SHISA9: variants seen among roughly 807,000 people sequenced by gnomAD.
SHISA9 encodes the protein shisa family member 9, also known as protein shisa-9.
In SHISA9, 13 loss-of-function variants were observed where a neutral mutation model predicts 38.0. The ratio of observed to expected loss-of-function variants is 0.34; its 90% confidence interval spans 0.22 to 0.54. The LOEUF (loss-of-function observed/expected upper bound fraction) is 0.54, where lower values mean the gene tolerates loss of function less well. Ranked by LOEUF, SHISA9 falls within the 20% of genes least tolerant of loss-of-function variation. SHISA9 has a pLI of 0.91. For missense variants in SHISA9, 538 were observed against 575.8 expected (o/e 0.93, Z 0.67); for synonymous variants, 275 against 242.0 (o/e 1.14, Z -1.27).
At chr16:13,200,122 G>A (rs949389148) in intron 2 of SHISA9, among the ~76,000 whole-genome samples, 21 of 152,228 alleles carry the variant, frequency 1.4e-4, no homozygotes, top group African/African-American at 5.1e-4. Flanking sequence ...TCCAGAGTGG[G>A]ATTAAACTCC....
chr16:13,069,273 CGTGT>C (rs1211544857), intron 2 of SHISA9, among the ~76,000 whole-genome samples: 4 of 149,424 alleles, frequency 2.7e-5, no homozygotes, highest in Admixed American at 2.0e-4. Flanking sequence ...GCAATGTGTG[CGTGT>C]GTGTACCTGC....
the SHISA9 span, among the ~76,000 whole-genome samples, chr16:13,283,699 G>T: frequency 1.3e-5 from 2 of 151,806 alleles, no homozygotes; most frequent in Non-Finnish European, 2.9e-5. Context: ...TTGAGATTTG[G>T]GTGGGGACAC....
At chr16:13,515,596 A>T in the SHISA9 span, among the ~76,000 whole-genome samples, 3 of 152,168 alleles carry the variant, frequency 2.0e-5, no homozygotes, top group Non-Finnish European at 4.4e-5. Context: ...CAAACAAGTT[A>T]TATATGACCC....
the SHISA9 span, among the ~76,000 whole-genome samples, chr16:13,411,626 G>A: frequency 6.6e-6 from 1 of 152,212 alleles, no homozygotes. Flanking sequence ...TCATCGGCAA[G>A]GATGCCTTGG....
At chr16:13,511,583 C>T in the SHISA9 span, among the ~76,000 whole-genome samples, 95 of 152,218 alleles carry the variant, frequency 6.2e-4, no homozygotes, top group African/African-American at 2.2e-3. Flanking sequence ...AGTCAGTGAT[C>T]ACTGAAAGAA....
At chr16:13,278,352 A>G in the SHISA9 span, among the ~76,000 whole-genome samples, 2 of 152,146 alleles carry the variant, frequency 1.3e-5, no homozygotes, top group South Asian at 2.1e-4. Flanking sequence ...ATCTATATTC[A>G]TCAGGGATAT....
chr16:13,096,401 G>T (rs560824320), intron 2 of SHISA9, among the ~76,000 whole-genome samples: 185 of 146,070 alleles, frequency 1.3e-3, no homozygotes, highest in Middle Eastern at 7.1e-3. Context: ...GAAGCCAAGT[G>T]GTTAAAGCAA....
the SHISA9 span, among the ~76,000 whole-genome samples, chr16:13,469,352 AAG>A: frequency 8.7e-4 from 112 of 128,130 alleles, no homozygotes; most frequent in Non-Finnish European, 1.2e-3. Context: ...GAAAGAAAGA[AAG>A]AAAGAAAAGA....
intron 2 of SHISA9, among the ~76,000 whole-genome samples, chr16:13,057,792 C>T (rs1796759358): frequency 6.6e-6 from 1 of 152,148 alleles, no homozygotes; most frequent in Non-Finnish European, 1.5e-5. Flanking sequence ...ACTTTTTATC[C>T]TGATGCTCTC....
intron 2 of SHISA9, among the ~76,000 whole-genome samples, chr16:13,063,328 C>T (rs546061816): frequency 1.6e-4 from 24 of 151,826 alleles, no homozygotes; most frequent in African/African-American, 5.3e-4. Flanking sequence ...ATCTGTAAAA[C>T]GGGTTTAATG....
chr16:13,535,100 G>C, the SHISA9 span, among the ~76,000 whole-genome samples: 101,058 of 151,784 alleles, frequency 0.67, 33,806 homozygotes, highest in Admixed American at 0.75. Context: ...ACAAAAATTA[G>C]CTCAATATGG....
chr16:13,117,255 A>G (rs1370039908), intron 2 of SHISA9, among the ~76,000 whole-genome samples: 1 of 152,142 alleles, frequency 6.6e-6, no homozygotes, highest in Non-Finnish European at 1.5e-5. Flanking sequence ...GATTATGGGC[A>G]TGAGCCACTG....
chr16:13,137,581 G>A lies in SHISA9; in HGVS notation c.692-65813G>A, dbSNP rs867497581. Among the ~76,000 whole-genome samples, 11 of 151,718 alleles carry A rather than the reference G, an allele frequency of 7.3e-5. No individual in the cohort carries two copies. In the South Asian group the frequency reaches 1.3e-3, roughly 17 times the overall value. ...AGTGATTCTTCTGTCTCAGCCTCTC[G>A]AATAGCTGGGACTACAGGTGCATGC... On this transcript the variant is annotated intron_variant, in intron 2 of 4. Coordinates refer to ENST00000558583, the MANE Select transcript of SHISA9 (RefSeq NM_001145204.3).
chr16:13,008,473 C>T (rs900826095), intron 2 of SHISA9, among the ~76,000 whole-genome samples: 8 of 152,118 alleles, frequency 5.3e-5, no homozygotes, highest in Non-Finnish European at 7.4e-5. Context: ...GTAATCCCCA[C>T]GTGTTGAGGG....
chr16:13,136,694 C>G (rs1026284493), intron 2 of SHISA9, among the ~76,000 whole-genome samples: 4 of 152,252 alleles, frequency 2.6e-5, no homozygotes, highest in African/African-American at 9.6e-5. Context: ...GCCACCATGC[C>G]CAGCCAATTT....
chr16:13,293,143 C>T, the SHISA9 span, among the ~76,000 whole-genome samples: 1 of 152,246 alleles, frequency 6.6e-6, no homozygotes, highest in African/African-American at 2.4e-5. Context: ...AATGAGTACC[C>T]AGCTGTGGTA....
At chr16:12,960,837 T>G (rs1361475453) in intron 2 of SHISA9, among the ~76,000 whole-genome samples, 3 of 152,170 alleles carry the variant, frequency 2.0e-5, no homozygotes, top group Non-Finnish European at 4.4e-5. Context: ...CTCAGCCCTG[T>G]TTTCCTTTCC....
chr16:13,230,247 G>C (rs576615750), intron 4 of SHISA9, among the ~76,000 whole-genome samples: 32 of 152,188 alleles, frequency 2.1e-4, no homozygotes, highest in Non-Finnish European at 3.7e-4. Context: ...AGTACATGGT[G>C]GGTACCTGTT....
chr16:13,045,126 A>T (rs999800298), intron 2 of SHISA9, among the ~76,000 whole-genome samples: 1 of 152,170 alleles, frequency 6.6e-6, no homozygotes, highest in Non-Finnish European at 1.5e-5. Flanking sequence ...GCTTGTTATT[A>T]TGGATGGGAA....
Sources: allele counts gnomAD v4.1 joint callset (sites outside exome capture counted in the v4.1 genomes callset), GRCh38; gene constraint gnomAD v4.1.1; transcripts MANE v1.5; gene names NCBI Gene and HGNC (gene_info 2026-07-23, HGNC 2026-07-21).